Variants in GCNT1 observed in about 807,000 individuals in gnomAD.
GCNT1 encodes the protein beta-1,3-galactosyl-O-glycosyl-glycoprotein beta-1,6-N-acetylglucosaminyltransferase.
A neutral mutation model predicts 26.2 loss-of-function variants in GCNT1; 16 were observed. The ratio of observed to expected loss-of-function variants is 0.61; its 90% CI spans 0.41 to 0.93. The LOEUF (loss-of-function observed/expected upper bound fraction) is 0.93, where lower values mean the gene tolerates loss of function less well. Among genes scored for constraint, GCNT1 ranks in the 40% least tolerant of loss-of-function variants. The pLI is 0.00. For missense variants in GCNT1, 477 were observed against 526.7 expected (o/e 0.91, Z 0.92); for synonymous variants, 183 against 190.8 (o/e 0.96, Z 0.34).
the GCNT1 span, among the ~76,000 whole-genome samples, chr9:76,412,980 C>T: frequency 6.6e-6 from 1 of 152,228 alleles, no homozygotes; most frequent in Non-Finnish European, 1.5e-5. Flanking sequence ...ATAAAGTCTT[C>T]AGCCCATGGG....
chr9:76,453,503 C>T (rs1397584942), intron 1 of GCNT1, among the ~76,000 whole-genome samples: 1 of 152,020 alleles, frequency 6.6e-6, no homozygotes, highest in Non-Finnish European at 1.5e-5. Flanking sequence ...TGAATTAGTG[C>T]CATAATAGCA....
At chr9:76,411,681 T>C in the GCNT1 span, among the ~76,000 whole-genome samples, 1 of 146,982 alleles carries the variant, frequency 6.8e-6, no homozygotes, top group Non-Finnish European at 1.5e-5. Flanking sequence ...TCTCCTTTTT[T>C]AACACATCAA....
At chr9:76,445,712 C>T (rs2131584176) in intron 1 of GCNT1, among the ~76,000 whole-genome samples, 1 of 151,934 alleles carries the variant, frequency 6.6e-6, no homozygotes, top group African/African-American at 2.4e-5. Context: ...GGGTGGCTCA[C>T]ACCTGTAATC....
intron 2 of GCNT1, among the ~76,000 whole-genome samples, chr9:76,500,467 G>A (rs949555429): frequency 1.3e-5 from 2 of 152,138 alleles, no homozygotes; most frequent in African/African-American, 2.4e-5. Context: ...CCCCGTGGTC[G>A]CTTTCTGATA....
At chr9:76,411,657 A>G in the GCNT1 span, among the ~76,000 whole-genome samples, 1 of 124,128 alleles carries the variant, frequency 8.1e-6, no homozygotes, top group Non-Finnish European at 1.7e-5. Context: ...AGCATTTTAT[A>G]TGATTTCATT....
intron 1 of GCNT1, among the ~76,000 whole-genome samples, chr9:76,429,727 T>G (rs1823308847): frequency 6.7e-6 from 1 of 150,000 alleles, no homozygotes; most frequent in Non-Finnish European, 1.5e-5. Context: ...TTTTTTTTTT[T>G]TTTTTTTGAG....
chr9:76,455,677 C>T (rs368922942), upstream of GCNT1, among the ~76,000 whole-genome samples: 3 of 152,278 alleles, frequency 2.0e-5, no homozygotes, highest in East Asian at 3.9e-4. Flanking sequence ...TCTTGGCTCA[C>T]TGGAACCTCC....
rs185839945 is a variant in GCNT1 at position 76,477,089 on chromosome 9, A to G, written c.-290+16912A>G. On this transcript the variant is annotated intron_variant, in intron 2 of 3. Transcript: ENST00000376730. ...ACCACCACGCCTGGCTAATTTTTGTATTTTTAGTACAGACGGGGTTTCACC... is the reference window on the plus strand; with the variant it reads ...ACCACCACGCCTGGCTAATTTTTGTGTTTTTAGTACAGACGGGGTTTCACC... 8.6e-5 allele frequency among the ~76,000 whole-genome samples: 13 copies of G among 151,702 alleles called. No homozygotes were observed. The East Asian group carries it at 2.4e-3, about 28-fold the overall frequency.
chr9:76,474,083 G>A (rs1207372814), intron 2 of GCNT1, among the ~76,000 whole-genome samples: 1 of 152,146 alleles, frequency 6.6e-6, no homozygotes, highest in African/African-American at 2.4e-5. Flanking sequence ...TTGGGTAACA[G>A]AGCGATACCC....
rs1825128487 is a variant in GCNT1 at position 76,503,056 on chromosome 9, C to T, written c.675C>T (p.Thr225=). 6.2e-7 allele frequency: 1 copy of T among 1,614,016 alleles called. No individual in the cohort carries two copies. The highest frequency in any genetic ancestry group is 2.2e-5 in the East Asian group (1 of 44,872). The part of the protein sequence containing the change: ...NLCGMDFPIK[T]NLEIVRKLKL... ...GTGGTATGGATTTTCCCATTAAAAC[C>T]AACCTAGAAATTGTCAGGAAGCTCA... Residue 225 remains threonine (T), a synonymous_variant, in exon 4 of 4, where the codon ACC becomes ACT. Coordinates refer to ENST00000376730, the MANE Select transcript of GCNT1 (RefSeq NM_001490.5).
intron 2 of GCNT1, among the ~76,000 whole-genome samples, chr9:76,475,177 T>C (rs1824224984): frequency 6.6e-6 from 1 of 152,214 alleles, no homozygotes; most frequent in South Asian, 2.1e-4. Flanking sequence ...TTCTTGGCTT[T>C]AGTGCTAATT....
intron 1 of GCNT1, among the ~76,000 whole-genome samples, chr9:76,421,153 G>C (rs1282516384): frequency 1.3e-5 from 2 of 152,154 alleles, no homozygotes; most frequent in African/African-American, 4.8e-5. Context: ...ATTTTCACTT[G>C]TGTGCGAATT....
At chr9:76,409,089 T>G in the GCNT1 span, among the ~76,000 whole-genome samples, 1 of 152,180 alleles carries the variant, frequency 6.6e-6, no homozygotes, top group Non-Finnish European at 1.5e-5. Flanking sequence ...GGCCTGGTGT[T>G]TTTTGTTTTC....
chr9:76,435,001 A>G (rs1287923182), intron 1 of GCNT1, among the ~76,000 whole-genome samples: 1 of 152,192 alleles, frequency 6.6e-6, no homozygotes, highest in Non-Finnish European at 1.5e-5. Flanking sequence ...CTGTTGTTTA[A>G]GATGTTTATC....
chr9:76,413,811 T>G, the GCNT1 span, among the ~76,000 whole-genome samples: 1 of 152,104 alleles, frequency 6.6e-6, no homozygotes, highest in South Asian at 2.1e-4. Flanking sequence ...GTCTTTCTTC[T>G]CCTTCTGGAA....
At chr9:76,394,010 C>G in the GCNT1 span, 43 of 1,383,530 alleles carry the variant, frequency 3.1e-5, no homozygotes, top group East Asian at 1.1e-4. Context: ...CCCCACGCCC[C>G]GGTCCCAAGT....
At position 76,502,699 on chromosome 9, in the gene GCNT1, A is replaced by G; in HGVS notation, c.318A>G (p.Arg106=). Residue 106 remains arginine, a synonymous_variant, in exon 4 of 4, where the codon AGA becomes AGG. Transcript: ENST00000376730. ...MTSDCSSFIK[R]RKYIVEPLSK... is the part of the protein sequence containing the mutation. ...GTGACTGTTCTTCTTTCATCAAGAG[A>G]CGCAAATATATTGTAGAACCCCTTA... is the stretch of plus-strand genomic sequence containing the variant. 2 of 1,614,122 alleles carry G rather than the reference A, an allele frequency of 1.2e-6. No individual in the cohort carries two copies. Among genetic ancestry groups the G allele is most frequent in the Non-Finnish European group, 1.7e-6 (2 of 1,179,986 alleles).
chr9:76,466,383 C>T (rs896067596), intron 2 of GCNT1, among the ~76,000 whole-genome samples: 1 of 152,210 alleles, frequency 6.6e-6, no homozygotes, highest in South Asian at 2.1e-4. Context: ...CTCACTGCAA[C>T]CTCCACCCTC....
At chr9:76,478,891 G>A (rs1359062909) in intron 2 of GCNT1, among the ~76,000 whole-genome samples, 2 of 152,098 alleles carry the variant, frequency 1.3e-5, no homozygotes, top group Non-Finnish European at 2.9e-5. Context: ...AAGTTCTAGG[G>A]TACATGTGCA....
Sources: allele counts gnomAD v4.1 joint callset (sites outside exome capture counted in the v4.1 genomes callset), GRCh38; gene constraint gnomAD v4.1.1; transcripts MANE v1.5; gene names NCBI Gene and HGNC (gene_info 2026-07-23, HGNC 2026-07-21).